Variants in SGMS1 observed in about 807,000 individuals in gnomAD.
The protein encoded by SGMS1 is phosphatidylcholine:ceramide cholinephosphotransferase 1.
In SGMS1, 13 loss-of-function variants were observed where a neutral mutation model predicts 46.2. The observed-to-expected ratio is 0.28, with a 90% CI of 0.18 to 0.45. SGMS1 has a LOEUF of 0.45. Ranked by LOEUF, SGMS1 falls within the 20% of genes least tolerant of loss-of-function variation. The pLI is 1.00. For missense variants in SGMS1, 324 were observed against 519.9 expected (o/e 0.62, Z 3.66); for synonymous variants, 203 against 187.8 (o/e 1.08, Z -0.66).
chr10:50,451,006 T>C (rs1588833374), intron 5 of SGMS1, among the ~76,000 whole-genome samples: 1 of 101,812 alleles, frequency 9.8e-6, no homozygotes, highest in East Asian at 2.2e-4. Context: ...GATTAAGTAA[T>C]TTTAAAGTCT....
intron 3 of SGMS1, among the ~76,000 whole-genome samples, chr10:50,515,523 A>G (rs1837793564): frequency 6.6e-6 from 1 of 152,240 alleles, no homozygotes; most frequent in African/African-American, 2.4e-5. Context: ...TCCCCGGCCC[A>G]GGACAACAGA....
chr10:50,391,787 C>T (rs190896938), intron 6 of SGMS1, among the ~76,000 whole-genome samples: 3 of 143,080 alleles, frequency 2.1e-5, no homozygotes, highest in East Asian at 2.0e-4. Flanking sequence ...CAATGATAGA[C>T]GGGATAAGGA....
At chr10:50,397,919 T>C (rs1848870340) in intron 6 of SGMS1, among the ~76,000 whole-genome samples, 1 of 152,104 alleles carries the variant, frequency 6.6e-6, no homozygotes, top group East Asian at 1.9e-4. Context: ...ATAGGTAGAG[T>C]GGCACCTAAG....
At chr10:50,339,585 A>C (rs573488343) in intron 7 of SGMS1, among the ~76,000 whole-genome samples, 41 of 152,266 alleles carry the variant, frequency 2.7e-4, no homozygotes, top group African/African-American at 7.9e-4. Context: ...AGCTTCACGA[A>C]AGCATCAGGA....
chr10:50,317,695 C>G (rs180800423), intron 8 of SGMS1, among the ~76,000 whole-genome samples: 41 of 152,150 alleles, frequency 2.7e-4, no homozygotes, highest in African/African-American at 8.2e-4. Context: ...TATTAATACA[C>G]GATTGAATAG....
chr10:50,331,421 C>T (rs1373894579), intron 7 of SGMS1, among the ~76,000 whole-genome samples: 1 of 152,220 alleles, frequency 6.6e-6, no homozygotes, highest in African/African-American at 2.4e-5. Flanking sequence ...CATCCCATCC[C>T]ATTTCAGCCA....
At chr10:50,568,802 G>T (rs912657158) in intron 2 of SGMS1, among the ~76,000 whole-genome samples, 1 of 152,128 alleles carries the variant, frequency 6.6e-6, no homozygotes, top group Non-Finnish European at 1.5e-5. Flanking sequence ...TTTCTTTGTT[G>T]AAAAGAAGCA....
Position 50,308,029 on chromosome 10 carries a change from T to C in SGMS1, c.1015A>G (p.Ile339Val). Residue 339 changes from isoleucine (I) to valine (V), a missense_variant, in exon 10 of 11, where the codon ATC (isoleucine) becomes GTC (valine). This residue lies in a region of SGMS1 where 174 missense variants were observed against 350.1 expected (regional missense o/e 0.50). Transcript: ENST00000361781. The stretch of plus-strand genomic sequence containing the variant: ...TACCACCAGAAGAGTCTCGTGGTGA[T>C]GTAATATGCCACCACCACGTCCACA... ...YTVDVVVAYYITTRLFWWYHT... is the reference protein window; with the variant it reads ...YTVDVVVAYYVTTRLFWWYHT... The C allele has an allele frequency of 6.2e-7, 1 of 1,613,974 alleles. No individual in the cohort carries two copies. The highest frequency in any genetic ancestry group is 8.5e-7 in the Non-Finnish European group (1 of 1,179,934).
intron 3 of SGMS1, among the ~76,000 whole-genome samples, chr10:50,499,694 A>C (rs1837645170): frequency 6.6e-6 from 1 of 152,258 alleles, no homozygotes; most frequent in Non-Finnish European, 1.5e-5. Flanking sequence ...AAAAGTGGTA[A>C]CAAGAACTTG....
chr10:50,522,815 A>G (rs1333328933), intron 2 of SGMS1, among the ~76,000 whole-genome samples: 2 of 152,002 alleles, frequency 1.3e-5, no homozygotes, highest in African/African-American at 2.4e-5. Context: ...CAGAAACCCA[A>G]TCTTTCTCAG....
intron 3 of SGMS1, among the ~76,000 whole-genome samples, chr10:50,501,901 G>A (rs373259148): frequency 1.4e-4 from 22 of 152,066 alleles, no homozygotes; most frequent in Non-Finnish European, 1.8e-4. Context: ...TTTAAGTATG[G>A]GTATTCAGCC....
At chr10:50,445,079 C>A (rs764622502) in intron 5 of SGMS1, among the ~76,000 whole-genome samples, 2 of 152,082 alleles carry the variant, frequency 1.3e-5, no homozygotes, top group Non-Finnish European at 2.9e-5. Flanking sequence ...TAAAAGAGGA[C>A]ACATGAATGG....
intron 3 of SGMS1, among the ~76,000 whole-genome samples, chr10:50,485,832 A>G (rs3011712): frequency 0.86 from 130,450 of 152,104 alleles, 56,201 homozygotes; most frequent in East Asian, 1. Flanking sequence ...CCCAGGAGGC[A>G]AAGGTTGCAA....
chr10:50,473,499 T>A (rs539598784), intron 3 of SGMS1, among the ~76,000 whole-genome samples: 5 of 152,172 alleles, frequency 3.3e-5, no homozygotes, highest in African/African-American at 1.2e-4. Context: ...GCTATCATAA[T>A]AAACTTTCCA....
chr10:50,361,545 T>C (rs1182395019), intron 6 of SGMS1, among the ~76,000 whole-genome samples: 1 of 152,054 alleles, frequency 6.6e-6, no homozygotes, highest in Non-Finnish European at 1.5e-5. Flanking sequence ...GGGGCAAAAA[T>C]AAACAAAAAA....
chr10:50,618,948 G>A (rs758160120), intron 1 of SGMS1, among the ~76,000 whole-genome samples: 7 of 152,014 alleles, frequency 4.6e-5, no homozygotes, highest in Non-Finnish European at 7.4e-5. Context: ...GCCAGGTGTG[G>A]ACCATACTTT....
intron 2 of SGMS1, among the ~76,000 whole-genome samples, chr10:50,522,258 C>A (rs1338431515): frequency 6.6e-6 from 1 of 152,128 alleles, no homozygotes; most frequent in Non-Finnish European, 1.5e-5. Context: ...CAAGCTGGCT[C>A]CTTTATCCCT....
At chr10:50,439,901 C>T (rs1421836547) in intron 5 of SGMS1, among the ~76,000 whole-genome samples, 1 of 152,190 alleles carries the variant, frequency 6.6e-6, no homozygotes, top group East Asian at 1.9e-4. Context: ...TTCGTCGATT[C>T]ATTCAACAGG....
chr10:50,355,253 C>G (rs998938245), intron 6 of SGMS1, among the ~76,000 whole-genome samples: 3 of 152,204 alleles, frequency 2.0e-5, no homozygotes, highest in Non-Finnish European at 4.4e-5. Context: ...CCATGGAATA[C>G]TATGCAACCA....
Sources: allele counts gnomAD v4.1 joint callset (sites outside exome capture counted in the v4.1 genomes callset), GRCh38; gene constraint gnomAD v4.1.1; regional missense constraint gnomAD v4.1.1; transcripts MANE v1.5; gene names NCBI Gene and HGNC (gene_info 2026-07-23, HGNC 2026-07-21).